ANKS1B: variants seen among roughly 807,000 people sequenced by gnomAD.
ANKS1B encodes ankyrin repeat and sterile alpha motif domain-containing protein 1B.
ANKS1B carries 36 observed loss-of-function variants against 148.3 expected under a neutral mutation model. That is an observed-to-expected ratio of 0.24 (90% CI 0.19 to 0.32). ANKS1B has a LOEUF of 0.32. ANKS1B is among the 10% of genes least tolerant of loss of function. The pLI is 1.00. For synonymous variants in ANKS1B, 542 were observed against 560.8 expected (o/e 0.97, Z 0.47); for missense variants, 1,157 against 1,542.6 (o/e 0.75, Z 4.19).
chr12:98,748,857 T>TAG lies in ANKS1B; in HGVS notation c.3747+2496_3747+2497dup, dbSNP rs201346460. Among the ~76,000 whole-genome samples the TAG allele has an allele frequency of 3.4e-4, 52 of 152,308 alleles. No individual in the cohort carries two copies. In the East Asian group the frequency reaches 9.7e-3, roughly 28 times the overall value. On this transcript the variant is annotated intron_variant, in intron 26 of 26. Transcript: ENST00000683438. ...CTGTGGGGACCAGGGTAAGGTCAGA[T>TAG]AGAGGCACCTGCTGTGAACAGATTT...
chr12:99,313,748 G>A (rs974674300), intron 12 of ANKS1B, among the ~76,000 whole-genome samples: 1 of 152,042 alleles, frequency 6.6e-6, no homozygotes, highest in African/African-American at 2.4e-5. Flanking sequence ...CAATAAACTA[G>A]GTATTGATGG....
chr12:99,325,611 G>T (rs796470785), intron 12 of ANKS1B, among the ~76,000 whole-genome samples: 4 of 152,096 alleles, frequency 2.6e-5, no homozygotes, highest in Non-Finnish European at 5.9e-5. Flanking sequence ...AATTAAAGCT[G>T]AACAAACTAT....
intron 12 of ANKS1B, among the ~76,000 whole-genome samples, chr12:99,350,644 G>T (rs73149190): frequency 6.6e-6 from 1 of 152,008 alleles, no homozygotes; most frequent in Admixed American, 6.6e-5. Flanking sequence ...GGGTACAAAG[G>T]TACTGCTTTT....
chr12:99,850,281 G>GTCTCTCCCTCTCCCTCTCTCTC (rs57015094), intron 1 of ANKS1B, among the ~76,000 whole-genome samples: 1 of 114,206 alleles, frequency 8.8e-6, no homozygotes, highest in African/African-American at 3.6e-5. Flanking sequence ...AAGCAAGAAA[G>GTCTCTCCCTCTCCCTCTCTCTC]TCTCTCTCTC....
At chr12:99,079,206 T>C (rs2048844483) in intron 16 of ANKS1B, among the ~76,000 whole-genome samples, 2 of 152,132 alleles carry the variant, frequency 1.3e-5, no homozygotes, top group South Asian at 2.1e-4. Flanking sequence ...CCCACAGAAA[T>C]TGGGAGATAA....
intron 15 of ANKS1B, among the ~76,000 whole-genome samples, chr12:99,125,634 C>T (rs1382884304): frequency 3.3e-5 from 5 of 152,122 alleles, no homozygotes; most frequent in African/African-American, 4.8e-5. Flanking sequence ...GATTTGAGAA[C>T]TGTGTGCTAG....
intron 10 of ANKS1B, among the ~76,000 whole-genome samples, chr12:99,472,487 A>C (rs74321878): frequency 0.011 from 1,686 of 152,278 alleles, 33 homozygotes; most frequent in African/African-American, 0.039. Context: ...TACTATATCA[A>C]CTAAATTAGA....
At chr12:99,126,858 C>T (rs1021783259) in intron 15 of ANKS1B, among the ~76,000 whole-genome samples, 6 of 152,038 alleles carry the variant, frequency 3.9e-5, no homozygotes, top group African/African-American at 1.5e-4. Flanking sequence ...CACTTTTGGT[C>T]CAAGCAAAAT....
intron 9 of ANKS1B, among the ~76,000 whole-genome samples, chr12:99,515,809 A>C (rs902841883): frequency 6.6e-6 from 1 of 152,056 alleles, no homozygotes; most frequent in Admixed American, 6.6e-5. Flanking sequence ...TTTTCTCCAC[A>C]TCCTCACCAG....
At chr12:98,792,395 CA>C (rs2098883562) in intron 22 of ANKS1B, among the ~76,000 whole-genome samples, 1 of 152,074 alleles carries the variant, frequency 6.6e-6, no homozygotes, top group Non-Finnish European at 1.5e-5. Flanking sequence ...TGTGTAATGA[CA>C]AATAGGGGTA....
intron 9 of ANKS1B, among the ~76,000 whole-genome samples, chr12:99,610,957 AG>A (rs1248816816): frequency 6.6e-6 from 1 of 152,034 alleles, no homozygotes; most frequent in Admixed American, 6.6e-5. Flanking sequence ...AAGTCCCCAA[AG>A]GTTCTTCCAA....
chr12:98,972,880 C>T (rs1225178263), intron 17 of ANKS1B, among the ~76,000 whole-genome samples: 1 of 152,174 alleles, frequency 6.6e-6, no homozygotes, highest in Non-Finnish European at 1.5e-5. Flanking sequence ...TTAGCATCTA[C>T]AGAGAACAGA....
At chr12:99,460,046 T>C (rs993479258) in intron 10 of ANKS1B, among the ~76,000 whole-genome samples, 1 of 152,120 alleles carries the variant, frequency 6.6e-6, no homozygotes, top group African/African-American at 2.4e-5. Context: ...ATGGTACTGG[T>C]ATAATAACAT....
At chr12:99,737,465 C>T (rs146292202) in intron 8 of ANKS1B, among the ~76,000 whole-genome samples, 86 of 152,156 alleles carry the variant, frequency 5.7e-4, no homozygotes, top group African/African-American at 1.9e-3. Flanking sequence ...CATTTTCTCA[C>T]TCATATGTAG....
At position 99,404,921 on chromosome 12, in the gene ANKS1B, A is replaced by G. The variant is rs1414399518; in HGVS notation, c.1576-5110T>C. ...ATGCAGCAAGAGAAAAGAAGCAAAT[A>G]ACGTACAATGAAGCTCCAATATGCT... On this transcript the variant is annotated intron_variant, in intron 11 of 26. Coordinates refer to ENST00000683438, the MANE Select transcript of ANKS1B (RefSeq NM_001352186.2). 4.1e-5 allele frequency among the ~76,000 whole-genome samples: 6 copies of G among 146,442 alleles called. 1 individual carries two copies. Among genetic ancestry groups the G allele is most frequent in the Non-Finnish European group, 7.6e-5 (5 of 66,178 alleles).
intron 12 of ANKS1B, among the ~76,000 whole-genome samples, chr12:99,383,175 C>A (rs1350844364): frequency 6.6e-6 from 1 of 152,132 alleles, no homozygotes; most frequent in Non-Finnish European, 1.5e-5. Flanking sequence ...AATCAGATAT[C>A]ATTCTGTTGC....
chr12:99,417,135 G>T lies in ANKS1B; in HGVS notation c.1576-17324C>A, dbSNP rs183134809. On this transcript the variant is annotated intron_variant, in intron 11 of 26. Coordinates refer to ENST00000683438, the MANE Select transcript of ANKS1B (RefSeq NM_001352186.2). ...TTGGTATCAAGTATAAGAACTCTTT[G>T]TCTAACTCTAGATCCCAGAAATTTT... Among the ~76,000 whole-genome samples, 250 of 152,208 alleles carry T rather than the reference G, an allele frequency of 1.6e-3. 1 individual carries two copies. Among genetic ancestry groups the T allele is most frequent in the Admixed American group, 0.015 (229 of 15,300 alleles).
intron 8 of ANKS1B, among the ~76,000 whole-genome samples, chr12:99,710,877 C>T (rs1470963225): frequency 6.6e-6 from 1 of 152,116 alleles, no homozygotes; most frequent in East Asian, 1.9e-4. Flanking sequence ...TTGAGCTTAA[C>T]TGATTAATCA....
intron 16 of ANKS1B, chr12:99,079,655 G>A (rs1394218856): frequency 6.6e-6 from 1 of 152,242 alleles, no homozygotes; most frequent in African/African-American, 2.4e-5. Flanking sequence ...CAGAGATGCA[G>A]AGAGTAACTA....
Sources: allele counts gnomAD v4.1 joint callset (sites outside exome capture counted in the v4.1 genomes callset), GRCh38; gene constraint gnomAD v4.1.1; transcripts MANE v1.5; gene names NCBI Gene and HGNC (gene_info 2026-07-23, HGNC 2026-07-21).